The following UBR4 variants were observed in gnomAD, a reference collection of about 807,000 sequenced individuals.
The protein encoded by UBR4 is ubiquitin protein ligase E3 component n-recognin 4.
In UBR4, 124 loss-of-function variants were observed where a neutral mutation model predicts 575.6. The ratio of observed to expected loss-of-function variants is 0.22; its 90% CI spans 0.19 to 0.25. The LOEUF (loss-of-function observed/expected upper bound fraction) is 0.25. Ranked by LOEUF, UBR4 falls within the 10% of genes least tolerant of loss-of-function variation. UBR4 has a pLI of 1.00. For missense variants in UBR4, 4,818 were observed against 6,478.8 expected (o/e 0.74, Z 8.80); for synonymous variants, 2,455 against 2,473.7 (o/e 0.99, Z 0.22).
At position 19,118,674 on chromosome 1, in the gene UBR4, T is replaced by G. The variant is rs2080857240; in HGVS notation, c.10541+198A>C. ...TTCTACATTACTACTCACCAAACCCTGAACTCAGCAATGACATTTTGAGTA... is the reference window on the plus strand; with the variant it reads ...TTCTACATTACTACTCACCAAACCCGGAACTCAGCAATGACATTTTGAGTA... On this transcript the variant is annotated intron_variant, in intron 71 of 105. Transcript: ENST00000375254. The G allele has an allele frequency of 6.6e-6, 4 of 606,778 alleles. No homozygotes were observed. In the African/African-American group the frequency reaches 7.4e-5, roughly 11 times the overall value. The allele number at this position is 606,778 out of a possible 1,614,324, so 37.6% of individuals were successfully genotyped here.
chr1:19,145,823 T>C lies in UBR4; in HGVS notation c.7915A>G (p.Asn2639Asp), dbSNP rs2150125973. 6.2e-7 allele frequency: 1 copy of C among 1,614,146 alleles called. No individual in the cohort carries two copies. Among genetic ancestry groups the C allele is most frequent in the East Asian group, 2.2e-5 (1 of 44,884 alleles). The change falls in exon 53 of 106, where the codon AAT becomes GAT. Residue 2639 changes from asparagine to aspartate, a missense_variant. Asn to Asp is a conservative substitution (Grantham distance 23). Around this residue, in one of 29 missense-constraint regions of UBR4, gnomAD observed 340 missense variants for 375.4 expected, o/e 0.91. Transcript: ENST00000375254. The part of the protein sequence containing the change: ...FWKLHASKPK[N>D]AFLAPACLPG... ...AGGCAGGCAGGTGCCAAGAAGGCAT[T>C]CTTGGGTTTGGATGCATGGAGTTTC...
intron 37 of UBR4, 115 bp downstream of exon 37, chr1:19,161,473 TG>T: frequency 7.2e-7 from 1 of 1,383,296 alleles, no homozygotes; most frequent in Admixed American, 2.3e-5. Flanking sequence ...ATGAGTGAGC[TG>T]GAACATATTC....
Position 19,120,312 on chromosome 1 carries a change from G to C in UBR4, c.10178C>G (p.Thr3393Arg). 1 of 1,614,152 alleles carries C rather than the reference G, an allele frequency of 6.2e-7. No individual in the cohort carries two copies. Among genetic ancestry groups the C allele is most frequent in the Non-Finnish European group, 8.5e-7 (1 of 1,180,014 alleles). Reference sequence around the variant, plus strand: ...TTTGTTCAGCTGGTTCACCAGAGCTGTGCACAGCTGGTCCTCCTGGCTGCC... The same window carrying C: ...TTTGTTCAGCTGGTTCACCAGAGCTCTGCACAGCTGGTCCTCCTGGCTGCC... The part of the protein sequence containing the change: ...TSGSQEDQLC[T>R]ALVNQLNKFA... The change falls in exon 69 of 106, where the codon ACA becomes AGA. Residue 3393 changes from threonine (T) to arginine (R), a missense_variant. Physicochemically the swap from Thr to Arg is moderately conservative, Grantham distance 71. Coordinates refer to ENST00000375254, the MANE Select transcript of UBR4 (RefSeq NM_020765.3).
intron 89 of UBR4, 60 bp from the exon 90 acceptor site, chr1:19,099,737 A>C: frequency 6.7e-7 from 1 of 1,483,976 alleles, no homozygotes; most frequent in Non-Finnish European, 9.3e-7. Context: ...GTAAAATCCA[A>C]GAGCAAAGGG....
At chr1:19,085,785 C>A (rs1253840223) in intron 101 of UBR4, among the ~76,000 whole-genome samples, 1 of 152,186 alleles carries the variant, frequency 6.6e-6, no homozygotes, top group African/African-American at 2.4e-5. Context: ...AACCTCAGAG[C>A]CACACACTGT....
intron 78 of UBR4, chr1:19,112,200 C>G: frequency 3.3e-6 from 1 of 300,268 alleles, no homozygotes; most frequent in South Asian, 6.4e-5. Flanking sequence ...CCCCACTGCT[C>G]TGCTTCTTTC....
Position 19,164,943 on chromosome 1 carries a change from A to C in UBR4, c.4367T>G (p.Leu1456Arg). 2 of 1,614,166 alleles carry C rather than the reference A, an allele frequency of 1.2e-6. No individual in the cohort carries two copies. The highest frequency in any genetic ancestry group is 8.5e-7 in the Non-Finnish European group (1 of 1,180,020). ...CAGGCGCACAGGTTCCACACAGGCC[A>C]GTTGTGCCAGGGAGCCACAGAGATG... Reference protein sequence around the residue: ...LLHLCGSLAQLACVEPVRLQA... With the variant: ...LLHLCGSLAQRACVEPVRLQA... The change falls in exon 32 of 106, where the codon CTG (leucine) becomes CGG (arginine). Residue 1456 changes from leucine to arginine, a missense_variant. Transcript: ENST00000375254.
At position 19,089,010 on chromosome 1, in the gene UBR4, C is replaced by G; in HGVS notation, c.14212-33G>C. 1 of 1,604,292 alleles carries G rather than the reference C, an allele frequency of 6.2e-7. No individual in the cohort carries two copies. The highest frequency in any genetic ancestry group is 1.7e-5 in the Admixed American group (1 of 59,482). On this transcript the variant is annotated intron_variant, in intron 97 of 105. Transcript: ENST00000375254. This position sits in a 1 kb window ranked among gnomAD's most constrained non-coding sequence, Gnocchi z 4.3. Reference sequence around the variant, plus strand: ...TAAGAGACCAGAGAGACACATGCCTCCAATTATGTAGACAAACCTTCTTCC... The same window carrying G: ...TAAGAGACCAGAGAGACACATGCCTGCAATTATGTAGACAAACCTTCTTCC...
chr1:19,180,908 T>TC (rs951003333), intron 17 of UBR4, among the ~76,000 whole-genome samples: 4 of 152,124 alleles, frequency 2.6e-5, no homozygotes, highest in Non-Finnish European at 4.4e-5. Flanking sequence ...AGTCCTCCCT[T>TC]CCTCCACTCC....
rs766724423 is a variant in UBR4 at position 19,172,943 on chromosome 1, G to A, written c.3442C>T (p.Pro1148Ser). 3.1e-6 allele frequency: 5 copies of A among 1,614,048 alleles called. No individual in the cohort carries two copies. The South Asian group carries it at 4.4e-5, about 14-fold the overall frequency. Residue 1148 changes from proline (P) to serine (S), a missense_variant, in exon 25 of 106, where the codon CCT becomes TCT. Physicochemically the swap from Pro to Ser is moderately conservative, Grantham distance 74. Coordinates refer to ENST00000375254, the MANE Select transcript of UBR4 (RefSeq NM_020765.3). ...TTGGTAATCTCAGACGACTTATGAG[G>A]ATCAGTCTCAGCAGCCATCTTAGAA... ...HFSKMAAETD[P>S]HKSSEITKNL...
At chr1:19,076,296 G>A (rs1303631671) in intron 105 of UBR4, among the ~76,000 whole-genome samples, 3 of 152,214 alleles carry the variant, frequency 2.0e-5, no homozygotes, top group Admixed American at 6.5e-5. Flanking sequence ...GACCTAAGAC[G>A]CAGGAGGAAG....
intron 1 of UBR4, among the ~76,000 whole-genome samples, chr1:19,204,936 A>T (rs1240194996): frequency 6.6e-6 from 1 of 152,228 alleles, no homozygotes; most frequent in Non-Finnish European, 1.5e-5. Context: ...CCAGAGAATA[A>T]GAAATGGAAA....
intron 53 of UBR4, among the ~76,000 whole-genome samples, chr1:19,145,420 A>G (rs1391233211): frequency 6.6e-6 from 1 of 152,150 alleles, no homozygotes; most frequent in Non-Finnish European, 1.5e-5. Context: ...TAGCTTAGAA[A>G]TAGAATAATC....
intron 11 of UBR4, among the ~76,000 whole-genome samples, chr1:19,188,195 T>C (rs2091740175): frequency 1.3e-5 from 2 of 152,158 alleles, no homozygotes; most frequent in East Asian, 3.8e-4. Context: ...AAAGAATCAT[T>C]ATTTTGAAAA....
At position 19,100,582 on chromosome 1, in the gene UBR4, C is replaced by G. The variant is rs376221634; in HGVS notation, c.13024-9G>C. ...GTGACTTCATTCTCCTCCTGGAGGA[C>G]AGACAGAAGGGTGCATCAGAAGGGA... On this transcript the variant is annotated splice_polypyrimidine_tract_variant and intron_variant, in intron 88 of 105. Coordinates refer to ENST00000375254, the MANE Select transcript of UBR4 (RefSeq NM_020765.3). The surrounding 1 kb of genome is among the most constrained non-coding windows in gnomAD (Gnocchi z 4.2). The G allele has an allele frequency of 2.8e-5, 45 of 1,613,622 alleles. No homozygotes were observed. The African/African-American group carries it at 5.7e-4, about 21-fold the overall frequency.
At position 19,140,909 on chromosome 1, in the gene UBR4, G is replaced by A. The variant is rs367628078; in HGVS notation, c.8489-17C>T. The A allele has an allele frequency of 6.9e-5, 110 of 1,594,636 alleles. No individual in the cohort carries two copies. Among genetic ancestry groups the A allele is most frequent in the Non-Finnish European group, 9.0e-5 (105 of 1,172,692 alleles). On this transcript the variant is annotated splice_polypyrimidine_tract_variant and intron_variant, in intron 57 of 105. Transcript: ENST00000375254. ...TGCTGCTGCCTGGGAAACAAGTGGA[G>A]AGTGAGCACAACATCCCCTCCAGGT...
intron 48 of UBR4, chr1:19,151,121 C>T (rs537191154): frequency 2.5e-6 from 1 of 397,560 alleles, no homozygotes; most frequent in South Asian, 2.8e-5. Context: ...GTTCAAAGTA[C>T]AGATCATGAT....
chr1:19,176,518 T>G (rs1296544250), intron 20 of UBR4, 74 bp downstream of exon 20: 1 of 1,555,750 alleles, frequency 6.4e-7, no homozygotes, highest in Non-Finnish European at 8.8e-7. Context: ...CCTCCAAGAG[T>G]CCCCAAGCTT....
intron 39 of UBR4, among the ~76,000 whole-genome samples, chr1:19,159,015 G>A (rs2150463131): frequency 6.6e-6 from 1 of 152,160 alleles, no homozygotes; most frequent in South Asian, 2.1e-4. Context: ...GATGGTGCAT[G>A]CCTCCAGTCT....
Sources: allele counts gnomAD v4.1 joint callset (sites outside exome capture counted in the v4.1 genomes callset), GRCh38; gene constraint gnomAD v4.1.1; regional missense constraint gnomAD v4.1.1; non-coding constraint Gnocchi (gnomAD v3.1); transcripts MANE v1.5; gene names NCBI Gene and HGNC (gene_info 2026-07-23, HGNC 2026-07-21).